The following CCDC148 variants were observed in gnomAD, a reference collection of about 807,000 sequenced individuals.
CCDC148 encodes the protein coiled-coil domain containing 148.
Under a neutral mutation model 85.7 loss-of-function variants are expected in CCDC148, and 89 were observed. The ratio of observed to expected loss-of-function variants is 1.04; its 90% CI spans 0.87 to 1.24. The LOEUF (loss-of-function observed/expected upper bound fraction) is 1.24. Ranked by LOEUF, CCDC148 falls within the 50% of genes most tolerant of loss-of-function variation. CCDC148 has a pLI of 0.00. For synonymous variants in CCDC148, 230 were observed against 213.9 expected (o/e 1.08, Z -0.66); for missense variants, 692 against 671.7 (o/e 1.03, Z -0.33).
At chr2:158,394,543 C>T (rs1685445684) in intron 1 of CCDC148, among the ~76,000 whole-genome samples, 1 of 151,780 alleles carries the variant, frequency 6.6e-6, no homozygotes, top group Admixed American at 6.6e-5. Flanking sequence ...TAAGGTTTAA[C>T]AGATGTCAGG....
At position 158,406,613 on chromosome 2, in the gene CCDC148, C is replaced by CTTTTTTTTTTTTTTT. The variant is rs61612452; in HGVS notation, c.26-48058_26-48044dup. On this transcript the variant is annotated intron_variant, in intron 1 of 13. Coordinates refer to ENST00000283233, the MANE Select transcript of CCDC148 (RefSeq NM_138803.4). ...ACAGCCAGTTAAACAGATTAAATTT[C>CTTTTTTTTTTTTTTT]TTTTTTTTTTTTTTTTTTTTTTTTT... 6.4e-5 allele frequency among the ~76,000 whole-genome samples: 2 copies of CTTTTTTTTTTTTTTT among 31,462 alleles called. 1 individual carries two copies. Among genetic ancestry groups the CTTTTTTTTTTTTTTT allele is most frequent in the Non-Finnish European group, 1.3e-4 (2 of 15,490 alleles). 20.6% of individuals were successfully genotyped at this position (31,462 alleles called of 152,430 possible). A position where few individuals can be genotyped will look rare whatever the true frequency, so the allele number is the denominator to read the frequency against.
intron 9 of CCDC148, among the ~76,000 whole-genome samples, chr2:158,295,522 C>A: frequency 6.8e-6 from 1 of 148,074 alleles, no homozygotes. Context: ...AAAGCTTATC[C>A]ACCATGATCA....
chr2:158,336,482 C>T (rs1452798262), intron 7 of CCDC148, among the ~76,000 whole-genome samples: 2 of 152,098 alleles, frequency 1.3e-5, no homozygotes, highest in African/African-American at 4.8e-5. Context: ...TATTCCAAGC[C>T]TTCTTAGAGG....
intron 11 of CCDC148, among the ~76,000 whole-genome samples, chr2:158,192,102 A>G (rs1173425827): frequency 1.3e-5 from 2 of 152,118 alleles, no homozygotes; most frequent in Admixed American, 6.6e-5. Flanking sequence ...ACAGAGATTC[A>G]GATGAACTTA....
At chr2:158,425,639 G>C (rs769583154) in intron 1 of CCDC148, among the ~76,000 whole-genome samples, 25 of 152,116 alleles carry the variant, frequency 1.6e-4, no homozygotes, top group Non-Finnish European at 3.7e-4. Flanking sequence ...TTTTAAATAA[G>C]CAATAATTAA....
rs1687920365 is a variant in CCDC148, at chr2:158,441,287, T to C, written c.25+15128A>G. Reference sequence around the variant, plus strand: ...AGTCTTTGGAAAAATGGAATTTTTATTTCTAGGGCTGCCAATTTACCAAAA... The same window carrying C: ...AGTCTTTGGAAAAATGGAATTTTTACTTCTAGGGCTGCCAATTTACCAAAA... On this transcript the variant is annotated intron_variant, in intron 1 of 13. Transcript: ENST00000283233. Among the ~76,000 whole-genome samples, 9 of 152,232 alleles carry C rather than the reference T, an allele frequency of 5.9e-5. No homozygotes were observed. In the South Asian group the frequency reaches 1.9e-3, roughly 32 times the overall value.
chr2:158,386,879 A>G (rs1203576297), intron 1 of CCDC148, among the ~76,000 whole-genome samples: 2 of 152,058 alleles, frequency 1.3e-5, no homozygotes, highest in South Asian at 2.1e-4. Flanking sequence ...ATTACCACTC[A>G]TTTCTAGCTC....
At chr2:158,394,238 CAG>C (rs1416868148) in intron 1 of CCDC148, among the ~76,000 whole-genome samples, 1 of 151,978 alleles carries the variant, frequency 6.6e-6, no homozygotes, top group Non-Finnish European at 1.5e-5. Flanking sequence ...TCAGAAATTG[CAG>C]AGAGACAGTG....
chr2:158,173,551 T>C (rs985735915), intron 13 of CCDC148, among the ~76,000 whole-genome samples: 24 of 151,884 alleles, frequency 1.6e-4, no homozygotes, highest in Non-Finnish European at 2.6e-4. Flanking sequence ...TGTCTAGACA[T>C]AAAGTAATAA....
intron 9 of CCDC148, among the ~76,000 whole-genome samples, chr2:158,260,219 T>C (rs530073460): frequency 5.3e-5 from 8 of 151,724 alleles, no homozygotes; most frequent in Non-Finnish European, 1.0e-4. Context: ...TGAATAAGTA[T>C]CTAAAACTCA....
Position 158,351,986 on chromosome 2 carries a change from G to C in CCDC148, c.147+6463C>G, listed in dbSNP as rs926479395. Among the ~76,000 whole-genome samples, 144 of 142,058 alleles carry C rather than the reference G, an allele frequency of 1.0e-3. 9 individuals are homozygous for C. The South Asian group carries it at 0.033, about 33-fold the overall frequency. 93.2% of individuals were successfully genotyped at this position (142,058 alleles called of 152,430 possible). On this transcript the variant is annotated intron_variant, in intron 2 of 13. Transcript: ENST00000283233. The stretch of plus-strand genomic sequence containing the variant: ...GGCACACTGACACCTCACACGGCAG[G>C]GTATTCCAACAGACCTGCAGCTGAG...
chr2:158,418,668 TTTC>T (rs1686622497), intron 1 of CCDC148, among the ~76,000 whole-genome samples: 3 of 152,072 alleles, frequency 2.0e-5, no homozygotes, highest in Non-Finnish European at 4.4e-5. Flanking sequence ...ACTGTTTTTT[TTTC>T]AGAACACTCT....
intron 1 of CCDC148, among the ~76,000 whole-genome samples, chr2:158,387,414 G>A (rs1048157738): frequency 4.6e-5 from 7 of 151,984 alleles, no homozygotes; most frequent in African/African-American, 1.5e-4. Flanking sequence ...CTCCAACAGT[G>A]AGAAGTCCAG....
At chr2:158,179,086 A>C in intron 11 of CCDC148, 90 bp from the exon 12 acceptor site, 1 of 846,478 alleles carries the variant, frequency 1.2e-6, no homozygotes, top group Non-Finnish European at 1.9e-6. Context: ...AACACATCTC[A>C]GAGGTAACAG....
At chr2:158,337,151 T>G (rs1285934154) in intron 7 of CCDC148, among the ~76,000 whole-genome samples, 1 of 152,192 alleles carries the variant, frequency 6.6e-6, no homozygotes, top group African/African-American at 2.4e-5. Flanking sequence ...AGAATAACTC[T>G]TACTGGAAGA....
intron 10 of CCDC148, among the ~76,000 whole-genome samples, chr2:158,224,399 T>C (rs1009800074): frequency 3.7e-4 from 56 of 152,190 alleles, no homozygotes; most frequent in Non-Finnish European, 7.5e-4. Context: ...CTGCAGGATA[T>C]TATCCAGGAG....
intron 10 of CCDC148, among the ~76,000 whole-genome samples, chr2:158,246,565 T>A (rs1521863): frequency 0.98 from 148,641 of 152,236 alleles, 72,660 homozygotes; most frequent in East Asian, 1. Flanking sequence ...AGCTGAAGCC[T>A]AAGGACTTGA....
rs537994555 is a variant in CCDC148, at chr2:158,425,234, T to A, written c.25+31181A>T. The A allele has an allele frequency of 1.1e-5, 6 of 537,446 alleles. No homozygotes were observed. In the African/African-American group the frequency reaches 1.1e-4, roughly 10 times the overall value. The allele number at this position is 537,446 out of a possible 1,614,324, so 33.3% of individuals were successfully genotyped here. On this transcript the variant is annotated intron_variant, in intron 1 of 13. Transcript: ENST00000283233. ...ATGCACAGGTGTATGCAGACTATAG[T>A]GGCCAAGAGAGCACTTATGGCAAGG...
rs374141171 is a variant in CCDC148, at chr2:158,341,560, C to A, written c.252-880G>T. Among the ~76,000 whole-genome samples, 13 of 152,162 alleles carry A rather than the reference C, an allele frequency of 8.5e-5. 2 individuals are homozygous for A. The highest frequency in any genetic ancestry group is 6.6e-4 in the Admixed American group (10 of 15,258). ...GAACTCCTGACCTCAGGTGATCCGC[C>A]CACCTTGGCCTCCCAAAGTGCCAGG... On this transcript the variant is annotated intron_variant, in intron 3 of 13. Coordinates refer to ENST00000283233, the MANE Select transcript of CCDC148 (RefSeq NM_138803.4).
Sources: allele counts gnomAD v4.1 joint callset (sites outside exome capture counted in the v4.1 genomes callset), GRCh38; gene constraint gnomAD v4.1.1; transcripts MANE v1.5; gene names NCBI Gene and HGNC (gene_info 2026-07-23, HGNC 2026-07-21).